KIF16B: variants seen among roughly 807,000 people sequenced by gnomAD.
KIF16B encodes kinesin-like protein KIF16B.
KIF16B carries 98 observed loss-of-function variants against 156.3 expected under a neutral mutation model. The observed-to-expected ratio is 0.63, with a 90% confidence interval of 0.53 to 0.74. The LOEUF (loss-of-function observed/expected upper bound fraction) is 0.74, where lower values mean the gene tolerates loss of function less well. Ranked by LOEUF, KIF16B falls within the 30% of genes least tolerant of loss-of-function variation. The pLI, the probability that KIF16B is intolerant of heterozygous loss-of-function variation, is 0.00. For missense variants in KIF16B, 1,421 were observed against 1,606.5 expected (o/e 0.88, Z 1.97); for synonymous variants, 564 against 583.7 (o/e 0.97, Z 0.49).
At chr20:16,409,901 T>A (rs1047729543) in intron 15 of KIF16B, among the ~76,000 whole-genome samples, 1 of 142,672 alleles carries the variant, frequency 7.0e-6, no homozygotes, top group African/African-American at 2.7e-5. Flanking sequence ...TTGAAGCTCT[T>A]GAATAAAAGT....
chr20:16,535,271 C>A (rs1156582925), intron 1 of KIF16B, among the ~76,000 whole-genome samples: 1 of 152,056 alleles, frequency 6.6e-6, no homozygotes. Flanking sequence ...AATAGGATTG[C>A]CTTCTTCATT....
At chr20:16,457,751 T>C (rs1600449158) in intron 12 of KIF16B, among the ~76,000 whole-genome samples, 1 of 152,214 alleles carries the variant, frequency 6.6e-6, no homozygotes, top group East Asian at 1.9e-4. Flanking sequence ...AGGCCTGCCC[T>C]AGATAAGGAG....
At chr20:16,506,843 C>T (rs1359522946) in intron 7 of KIF16B, among the ~76,000 whole-genome samples, 1 of 151,912 alleles carries the variant, frequency 6.6e-6, no homozygotes, top group Admixed American at 6.6e-5. Context: ...GCCTGTGATC[C>T]CAGCACTTTG....
At chr20:16,549,551 T>C (rs2070557063) in intron 1 of KIF16B, among the ~76,000 whole-genome samples, 1 of 152,152 alleles carries the variant, frequency 6.6e-6, no homozygotes, top group Non-Finnish European at 1.5e-5. Flanking sequence ...TTTGGGTATA[T>C]ACCCAGTAAT....
chr20:16,424,313 C>T (rs2066300620), intron 15 of KIF16B, among the ~76,000 whole-genome samples: 1 of 152,086 alleles, frequency 6.6e-6, no homozygotes, highest in African/African-American at 2.4e-5. Context: ...GTTGGCGCTC[C>T]ATCGCAGCTG....
Position 16,381,686 on chromosome 20 carries a change from T to C in KIF16B, c.1838+8A>G. 6.2e-7 allele frequency: 1 copy of C among 1,610,374 alleles called. No individual in the cohort carries two copies. The highest frequency in any genetic ancestry group is 8.5e-7 in the Non-Finnish European group (1 of 1,177,304). ...GGAGTGTTGAAACTTGAACCCCATG[T>C]GACTTACCTTTTACTTTCTAATTTT... is the stretch of plus-strand genomic sequence containing the variant. On this transcript the variant is annotated splice_region_variant and intron_variant, in intron 18 of 25. Coordinates refer to ENST00000354981, the MANE Select transcript of KIF16B (RefSeq NM_024704.5).
chr20:16,399,227 A>G (rs867192698), intron 17 of KIF16B, among the ~76,000 whole-genome samples: 1 of 152,024 alleles, frequency 6.6e-6, no homozygotes, highest in African/African-American at 2.4e-5. Context: ...GTGACTATGT[A>G]GGTACCCTAG....
At chr20:16,477,058 T>C (rs749024483) in intron 12 of KIF16B, among the ~76,000 whole-genome samples, 1 of 152,134 alleles carries the variant, frequency 6.6e-6, no homozygotes, top group Non-Finnish European at 1.5e-5. Flanking sequence ...GGATACCGTT[T>C]TTAAAGGTAA....
intron 12 of KIF16B, among the ~76,000 whole-genome samples, chr20:16,489,177 GCTACC>G (rs2068211097): frequency 6.6e-6 from 1 of 152,184 alleles, no homozygotes; most frequent in South Asian, 2.1e-4. Context: ...TGGCAGAACT[GCTACC>G]ACAATGGGCT....
At chr20:16,430,020 T>G in intron 12 of KIF16B, 38 bp from the exon 13 acceptor site, 2 of 1,577,790 alleles carry the variant, frequency 1.3e-6, no homozygotes, top group Non-Finnish European at 1.7e-6. Flanking sequence ...AAGGTTACTT[T>G]GGGAAAAGAG....
intron 17 of KIF16B, among the ~76,000 whole-genome samples, chr20:16,389,675 A>C (rs910413608): frequency 6.6e-6 from 1 of 152,186 alleles, no homozygotes; most frequent in African/African-American, 2.4e-5. Context: ...ATTTGGGTGA[A>C]GGGGTTTGTG....
At chr20:16,511,978 A>T (rs2068969007) in intron 5 of KIF16B, among the ~76,000 whole-genome samples, 1 of 151,996 alleles carries the variant, frequency 6.6e-6, no homozygotes, top group South Asian at 2.1e-4. Context: ...GAAACCCCAC[A>T]TCTACTAAAA....
chr20:16,561,155 G>A lies in KIF16B; in HGVS notation c.47+12074C>T, dbSNP rs535404672. ...AACTGCAAAAAAAAATTAGCTGGGC[G>A]TGGTGGCGGGTATCTGTAATGCCAG... is the stretch of plus-strand genomic sequence containing the variant. On this transcript the variant is annotated intron_variant, in intron 1 of 25. Transcript: ENST00000354981. 2.9e-4 allele frequency among the ~76,000 whole-genome samples: 44 copies of A among 152,128 alleles called. 1 individual carries two copies. Among genetic ancestry groups the A allele is most frequent in the South Asian group, 8.3e-4 (4 of 4,806 alleles).
chr20:16,393,594 A>G (rs1049661135), intron 17 of KIF16B, among the ~76,000 whole-genome samples: 10 of 152,242 alleles, frequency 6.6e-5, no homozygotes, highest in Non-Finnish European at 1.3e-4. Context: ...GTCAAGAATT[A>G]TTCCCTTAAA....
At chr20:16,352,840 C>A (rs1312417555) in intron 23 of KIF16B, among the ~76,000 whole-genome samples, 2 of 152,160 alleles carry the variant, frequency 1.3e-5, no homozygotes, top group Admixed American at 6.5e-5. Flanking sequence ...ACCAAGTGGG[C>A]CCTGGTGTGG....
Position 16,556,166 on chromosome 20 carries a change from C to A in KIF16B, c.47+17063G>T, listed in dbSNP as rs746587411. Among the ~76,000 whole-genome samples the A allele has an allele frequency of 6.0e-4, 92 of 152,168 alleles. 3 individuals carry two copies. Among genetic ancestry groups the A allele is most frequent in the Non-Finnish European group, 3.5e-4 (24 of 68,032 alleles). The stretch of plus-strand genomic sequence containing the variant: ...AGAATAAAGGCTGTTCATCTCAGCA[C>A]TAGAAGAAACTTACAGGTCACTTGG... On this transcript the variant is annotated intron_variant, in intron 1 of 25. Coordinates refer to ENST00000354981, the MANE Select transcript of KIF16B (RefSeq NM_024704.5).
chr20:16,569,546 C>T (rs1273673841), intron 1 of KIF16B, among the ~76,000 whole-genome samples: 1 of 152,202 alleles, frequency 6.6e-6, no homozygotes, highest in Admixed American at 6.5e-5. Context: ...ACAAGGCTGA[C>T]TGATTACTGC....
At chr20:16,330,359 T>A (rs1294687971) in intron 24 of KIF16B, among the ~76,000 whole-genome samples, 1 of 152,206 alleles carries the variant, frequency 6.6e-6, no homozygotes, top group Non-Finnish European at 1.5e-5. Flanking sequence ...AAGGCTTAGC[T>A]GAATGATGGT....
At chr20:16,392,706 T>C (rs192538338) in intron 17 of KIF16B, among the ~76,000 whole-genome samples, 1 of 152,234 alleles carries the variant, frequency 6.6e-6, no homozygotes, top group African/African-American at 2.4e-5. Flanking sequence ...CTGTCTGCCA[T>C]GCTCAGCTCT....
Sources: gnomAD v4.1 joint callset for allele counts (sites outside exome capture counted in the v4.1 genomes callset) on GRCh38, gnomAD v4.1.1 for gene constraint, MANE v1.5 for transcripts, NCBI Gene and HGNC (gene_info 2026-07-23, HGNC 2026-07-21) for gene names.